The following CNTLN variants were observed in gnomAD, a reference collection of about 807,000 sequenced individuals.
The protein encoded by CNTLN is centlein.
Under a neutral mutation model 180.0 loss-of-function variants are expected in CNTLN, and 212 were observed. The observed-to-expected ratio is 1.18, with a 90% CI of 1.05 to 1.32. The LOEUF (loss-of-function observed/expected upper bound fraction) is 1.32. Among genes scored for constraint, CNTLN ranks in the 40% most tolerant of loss-of-function variants. CNTLN has a pLI of 0.00. For synonymous variants in CNTLN, 722 were observed against 563.1 expected, an observed-to-expected ratio of 1.28 and a Z score of -3.99; for missense variants, 2,095 against 1,610.9, an observed-to-expected ratio of 1.30 and a Z score of -5.14.
At chr9:17,477,802 A>C (rs1485477923) in intron 23 of CNTLN, among the ~76,000 whole-genome samples, 1 of 152,234 alleles carries the variant, frequency 6.6e-6, no homozygotes, top group African/African-American at 2.4e-5. Flanking sequence ...TGACAACAAA[A>C]GTTTTAGAAT....
intron 2 of CNTLN, chr9:17,167,529 C>G (rs1362388538): frequency 6.6e-6 from 1 of 152,098 alleles, no homozygotes; most frequent in Non-Finnish European, 1.5e-5. Flanking sequence ...CCTGATAGAA[C>G]CTAAAAGGCA....
chr9:17,244,453 A>G (rs1825685655), intron 5 of CNTLN, among the ~76,000 whole-genome samples: 1 of 152,116 alleles, frequency 6.6e-6, no homozygotes, highest in South Asian at 2.1e-4. Flanking sequence ...CCTGGGCTCA[A>G]GTGACCCTCC....
chr9:17,220,910 G>A (rs76348055), intron 2 of CNTLN, among the ~76,000 whole-genome samples: 4,190 of 152,030 alleles, frequency 0.028, 200 homozygotes, highest in African/African-American at 0.095. Flanking sequence ...TGAATATATG[G>A]GTGCATATGT....
intron 5 of CNTLN, among the ~76,000 whole-genome samples, chr9:17,269,954 T>C (rs1304818228): frequency 6.6e-6 from 1 of 152,174 alleles, no homozygotes; most frequent in African/African-American, 2.4e-5. Context: ...GTTGGTATTG[T>C]AAATGTTTAG....
intron 7 of CNTLN, chr9:17,301,119 A>T: frequency 1.0e-6 from 1 of 985,434 alleles, no homozygotes; most frequent in Non-Finnish European, 1.2e-6. Flanking sequence ...CTTTGCTGAG[A>T]AGATAAGATA....
intron 18 of CNTLN, among the ~76,000 whole-genome samples, chr9:17,435,271 A>C (rs530509122): frequency 6.6e-6 from 1 of 152,188 alleles, no homozygotes; most frequent in Admixed American, 6.5e-5. Context: ...AAAGAGAGGC[A>C]CTCATTCTGG....
chr9:17,311,183 C>T (rs866037876), intron 8 of CNTLN, among the ~76,000 whole-genome samples: 138 of 151,864 alleles, frequency 9.1e-4, no homozygotes, highest in African/African-American at 3.2e-3. Context: ...TGCCACCACA[C>T]CTGGCTAATC....
intron 23 of CNTLN, 126 bp downstream of exon 23, chr9:17,467,017 C>T (rs1831792890): frequency 1.8e-6 from 1 of 545,844 alleles, no homozygotes. Flanking sequence ...TCTTCTTCTA[C>T]CCTATTTATC....
chr9:17,241,495 C>T (rs1039592503), intron 5 of CNTLN, among the ~76,000 whole-genome samples: 1 of 151,832 alleles, frequency 6.6e-6, no homozygotes, highest in Non-Finnish European at 1.5e-5. Flanking sequence ...GATGTGATTC[C>T]TCCAGTTTTG....
chr9:17,186,259 C>G (rs1359289178), intron 2 of CNTLN, among the ~76,000 whole-genome samples: 1 of 152,092 alleles, frequency 6.6e-6, no homozygotes, highest in Admixed American at 6.5e-5. Context: ...GGTAATAGTA[C>G]ATCATTCATG....
chr9:17,208,122 T>G (rs961067369), intron 2 of CNTLN, among the ~76,000 whole-genome samples: 1 of 152,196 alleles, frequency 6.6e-6, no homozygotes, highest in African/African-American at 2.4e-5. Flanking sequence ...TGGCTTTTAT[T>G]GTGTTGAGAT....
chr9:17,316,081 A>T (rs991652795), intron 8 of CNTLN, among the ~76,000 whole-genome samples: 8 of 150,624 alleles, frequency 5.3e-5, no homozygotes, highest in African/African-American at 2.0e-4. Context: ...TTTCTCTTTA[A>T]TTCTATCAGG....
chr9:17,398,462 A>G (rs1288866588), intron 15 of CNTLN, among the ~76,000 whole-genome samples: 3 of 152,124 alleles, frequency 2.0e-5, no homozygotes, highest in Non-Finnish European at 4.4e-5. Context: ...GAGATCTGCA[A>G]AGTCCTTGAG....
At chr9:17,509,070 A>G in the CNTLN span, among the ~76,000 whole-genome samples, 1 of 152,198 alleles carries the variant, frequency 6.6e-6, no homozygotes, top group African/African-American at 2.4e-5. Flanking sequence ...TCTTTCTCCA[A>G]CCACCCCTGT....
At chr9:17,426,453 C>T (rs1338241561) in intron 18 of CNTLN, among the ~76,000 whole-genome samples, 1 of 151,944 alleles carries the variant, frequency 6.6e-6, no homozygotes, top group Non-Finnish European at 1.5e-5. Flanking sequence ...TGTCTTGTTT[C>T]GATAGTCTTC....
chr9:17,353,810 C>T (rs1306713202), intron 12 of CNTLN, among the ~76,000 whole-genome samples: 2 of 152,170 alleles, frequency 1.3e-5, no homozygotes, highest in Non-Finnish European at 2.9e-5. Context: ...TCCGCACCTC[C>T]TCTACCTGGG....
intron 6 of CNTLN, among the ~76,000 whole-genome samples, chr9:17,295,997 AGTGTGT>A (rs66515360): frequency 0.05 from 4,575 of 91,010 alleles, 116 homozygotes; most frequent in East Asian, 0.23. Context: ...AGAGAGAGAG[AGTGTGT>A]GTGTGTGTGT....
At chr9:17,215,493 G>A (rs1823677458) in intron 2 of CNTLN, among the ~76,000 whole-genome samples, 1 of 152,198 alleles carries the variant, frequency 6.6e-6, no homozygotes, top group Non-Finnish European at 1.5e-5. Context: ...AGGCTACTCG[G>A]GGGTCAGGGA....
intron 1 of CNTLN, among the ~76,000 whole-genome samples, chr9:17,135,659 G>T (rs1039609829): frequency 6.6e-6 from 1 of 152,220 alleles, no homozygotes; most frequent in South Asian, 2.1e-4. Flanking sequence ...TCGCCTCCGC[G>T]CCCGGGTTTG....
Sources: gnomAD v4.1 joint callset for allele counts (sites outside exome capture counted in the v4.1 genomes callset) on GRCh38, gnomAD v4.1.1 for gene constraint, MANE v1.5 for transcripts, NCBI Gene and HGNC (gene_info 2026-07-23, HGNC 2026-07-21) for gene names.